TARP: variants seen among roughly 807,000 people sequenced by gnomAD.
the TARP span, among the ~76,000 whole-genome samples, chr7:38,262,559 G>T: frequency 6.6e-6 from 1 of 151,740 alleles, no homozygotes; most frequent in South Asian, 2.1e-4. Flanking sequence ...TTGTTCAATG[G>T]AAAAATAAAC....
chr7:38,260,249 G>A, the TARP span: 1 of 1,388,836 alleles, frequency 7.2e-7, no homozygotes, highest in Non-Finnish European at 9.8e-7. Context: ...AATTGCACAT[G>A]TTCTTTTTAC....
the TARP span, among the ~76,000 whole-genome samples, chr7:38,260,619 G>A: frequency 2.2e-4 from 33 of 151,846 alleles, no homozygotes; most frequent in African/African-American, 6.0e-4. Context: ...TTGAGGTTTT[G>A]CAAGAGATAT....
chr7:38,260,000 C>T, the TARP span: 1 of 956,196 alleles, frequency 1.0e-6, no homozygotes, highest in Non-Finnish European at 1.6e-6. Flanking sequence ...GGCCCAAACC[C>T]AGAAAGAAAG....
chr7:38,266,502 A>G, the TARP span, among the ~76,000 whole-genome samples: 3,334 of 151,762 alleles, frequency 0.022, 71 homozygotes, highest in Non-Finnish European at 0.031. Flanking sequence ...ATGTTTCACC[A>G]TATTGACCAG....
chr7:38,263,982 G>C, the TARP span, among the ~76,000 whole-genome samples: 2 of 151,840 alleles, frequency 1.3e-5, no homozygotes, highest in Non-Finnish European at 2.9e-5. Context: ...AAAGATAAAT[G>C]AAAATGACTA....
the TARP span, among the ~76,000 whole-genome samples, chr7:38,264,203 C>T: frequency 3.3e-5 from 5 of 151,802 alleles, no homozygotes; most frequent in African/African-American, 1.2e-4. Flanking sequence ...CTCAGAAAAA[C>T]AAACTTCCAA....
the TARP span, among the ~76,000 whole-genome samples, chr7:38,270,035 G>A: frequency 9.2e-5 from 14 of 151,908 alleles, no homozygotes; most frequent in African/African-American, 2.7e-4. Flanking sequence ...CTAGGAGTTC[G>A]AGGCTGCAGT....
chr7:38,263,316 C>T, the TARP span, among the ~76,000 whole-genome samples: 1 of 151,756 alleles, frequency 6.6e-6, no homozygotes, highest in East Asian at 1.9e-4. Flanking sequence ...GGCAACTTGC[C>T]GAGAATCATA....
chr7:38,261,680 T>C, the TARP span, among the ~76,000 whole-genome samples: 1 of 151,200 alleles, frequency 6.6e-6, no homozygotes, highest in African/African-American at 2.4e-5. Context: ...GAGGCCATCC[T>C]GGCCAACATG....
chr7:38,270,274 A>T, the TARP span, among the ~76,000 whole-genome samples: 1 of 151,894 alleles, frequency 6.6e-6, no homozygotes, highest in Non-Finnish European at 1.5e-5. Context: ...TTAAATCCAT[A>T]GCAATTAAGC....
chr7:38,260,507 A>G, the TARP span, among the ~76,000 whole-genome samples: 1 of 149,564 alleles, frequency 6.7e-6, no homozygotes, highest in Non-Finnish European at 1.5e-5. Context: ...TGGTTAATCC[A>G]GATTTGCTGA....
the TARP span, chr7:38,262,327 T>G: frequency 1.3e-6 from 1 of 794,970 alleles, no homozygotes; most frequent in Non-Finnish European, 2.1e-6. Context: ...TTATTAAAAA[T>G]ATGAGCCCAC....
At chr7:38,260,506 C>G in the TARP span, among the ~76,000 whole-genome samples, 1 of 148,500 alleles carries the variant, frequency 6.7e-6, no homozygotes, top group African/African-American at 2.5e-5. Context: ...GTGGTTAATC[C>G]AGATTTGCTG....
At chr7:38,268,021 G>A in the TARP span, among the ~76,000 whole-genome samples, 80,796 of 150,520 alleles carry the variant, frequency 0.54, 23,844 homozygotes, top group African/African-American at 0.8. Context: ...TCTCAACGTA[G>A]TAGTTAACGA....
chr7:38,265,134 A>T, the TARP span, among the ~76,000 whole-genome samples: 1 of 151,422 alleles, frequency 6.6e-6, no homozygotes, highest in South Asian at 2.1e-4. Flanking sequence ...AATGGAGCTG[A>T]GGCTGACAAA....
chr7:38,271,746 G>A, the TARP span, among the ~76,000 whole-genome samples: 5 of 151,306 alleles, frequency 3.3e-5, no homozygotes, highest in Non-Finnish European at 7.4e-5. Context: ...CAAAGTGGAC[G>A]CTTTGACCTG....
the TARP span, among the ~76,000 whole-genome samples, chr7:38,270,110 A>G: frequency 1.3e-5 from 2 of 151,862 alleles, no homozygotes; most frequent in East Asian, 3.8e-4. Flanking sequence ...TCAAAAATAA[A>G]TGCTATGGAA....
chr7:38,273,542 G>A, the TARP span: 5 of 1,447,524 alleles, frequency 3.5e-6, no homozygotes, highest in East Asian at 1.1e-4. Context: ...CTGCCTGCCA[G>A]CCTCCCATCC....
the TARP span, among the ~76,000 whole-genome samples, chr7:38,268,101 T>C: frequency 7.9e-5 from 12 of 151,726 alleles, no homozygotes; most frequent in East Asian, 5.8e-4. Context: ...CACATGATTT[T>C]TAAAATACTA....
Sources: allele counts gnomAD v4.1 joint callset (sites outside exome capture counted in the v4.1 genomes callset), GRCh38; gene constraint gnomAD v4.1.1; transcripts MANE v1.5.